Variants in FRYL observed in about 807,000 individuals in gnomAD.
FRYL encodes the protein protein furry homolog-like.
A neutral mutation model predicts 351.2 loss-of-function variants in FRYL; 150 were observed. That is an observed-to-expected ratio of 0.43 (90% CI 0.37 to 0.49). The LOEUF (loss-of-function observed/expected upper bound fraction) is 0.49, where lower values mean the gene tolerates loss of function less well. Among genes scored for constraint, FRYL ranks in the 20% least tolerant of loss-of-function variants. The pLI is 0.00. For synonymous variants in FRYL, 1,153 were observed against 1,257.1 expected (o/e 0.92, Z 1.75); for missense variants, 3,036 against 3,619.3 (o/e 0.84, Z 4.13).
chr4:48,543,609 A>G (rs1477184209), intron 44 of FRYL, among the ~76,000 whole-genome samples, 198 bp downstream of exon 44: 1 of 152,220 alleles, frequency 6.6e-6, no homozygotes, highest in Non-Finnish European at 1.5e-5. Flanking sequence ...GATAGGCACT[A>G]GAATAGTTGA....
chr4:48,597,360 T>C (rs1271631670), intron 13 of FRYL, among the ~76,000 whole-genome samples: 2 of 152,146 alleles, frequency 1.3e-5, no homozygotes, highest in Non-Finnish European at 1.5e-5. Flanking sequence ...TCCAAACCCA[T>C]AGAATGTACA....
intron 1 of FRYL, among the ~76,000 whole-genome samples, chr4:48,769,812 A>T (rs1461456945): frequency 6.6e-6 from 1 of 152,228 alleles, no homozygotes; most frequent in Non-Finnish European, 1.5e-5. Flanking sequence ...CTAAGTGAAA[A>T]AGTCAATCGC....
chr4:48,544,909 A>G lies in FRYL; in HGVS notation c.5280-5T>C. ...TTCCAAAGGGGCCCTCTTTTTCTGA[A>G]AACAGAGAACAGATGTAATTTCCTT... On this transcript the variant is annotated splice_region_variant and splice_polypyrimidine_tract_variant and intron_variant, in intron 42 of 63. Coordinates refer to ENST00000358350, the MANE Select transcript of FRYL (RefSeq NM_015030.2). 1.3e-6 allele frequency: 2 copies of G among 1,595,222 alleles called. No individual in the cohort carries two copies. The highest frequency in any genetic ancestry group is 1.7e-6 in the Non-Finnish European group (2 of 1,174,606).
At chr4:48,698,540 T>C (rs1202898919) in intron 2 of FRYL, among the ~76,000 whole-genome samples, 1 of 152,204 alleles carries the variant, frequency 6.6e-6, no homozygotes, top group Admixed American at 6.6e-5. Flanking sequence ...AAGAAAATAC[T>C]GTGCTGGGTG....
chr4:48,634,230 T>A, intron 4 of FRYL, 61 bp downstream of exon 4: 1 of 1,193,722 alleles, frequency 8.4e-7, no homozygotes, highest in Non-Finnish European at 1.2e-6. Flanking sequence ...AAAATCTGCA[T>A]TATAGTGGTT....
chr4:48,769,820 C>T (rs972269968), intron 1 of FRYL, among the ~76,000 whole-genome samples: 20 of 152,222 alleles, frequency 1.3e-4, no homozygotes, highest in Admixed American at 2.6e-4. Flanking sequence ...AAAAGTCAAT[C>T]GCAAAAGGTT....
chr4:48,592,082 T>TATATATATATATATA lies in FRYL; in HGVS notation c.1336-1253_1336-1252insTATATATATATATAT, dbSNP rs888017807. On this transcript the variant is annotated intron_variant, in intron 16 of 63. Transcript: ENST00000358350. ...GGAATACGGGAAGAAAATAAAGCTC[T>TATATATATATATATA]TATATATATATATATATATATATAT... Among the ~76,000 whole-genome samples, 214 of 116,166 alleles carry TATATATATATATATA rather than the reference T, an allele frequency of 1.8e-3. 6 individuals are homozygous for TATATATATATATATA. The highest frequency in any genetic ancestry group is 7.5e-3 in the African/African-American group (167 of 22,212). The allele number at this position is 116,166 out of a possible 152,430, so 76.2% of individuals were successfully genotyped here.
chr4:48,502,805 A>G lies in FRYL; in HGVS notation c.8481+23T>C, dbSNP rs1205239846. On this transcript the variant is annotated intron_variant, in intron 61 of 63. Transcript: ENST00000358350. ...TTTGTCTGGCAAGGGTGAGTAGTCT[A>G]TAAATCAAGACAGGTCACTTACTGC... 3.7e-6 allele frequency: 6 copies of G among 1,600,060 alleles called. No individual in the cohort carries two copies. The East Asian group carries it at 6.7e-5, about 18-fold the overall frequency.
At chr4:48,681,883 C>T (rs1764662686) in intron 3 of FRYL, among the ~76,000 whole-genome samples, 1 of 152,124 alleles carries the variant, frequency 6.6e-6, no homozygotes, top group South Asian at 2.1e-4. Flanking sequence ...GAGCACCCTA[C>T]AAAATATTTG....
In FRYL at chr4:48,553,389, A is replaced by C. The variant is rs774492440; in HGVS notation, c.4267-6T>G. 9 of 1,597,016 alleles carry C rather than the reference A, an allele frequency of 5.6e-6. No individual in the cohort carries two copies. Among genetic ancestry groups the C allele is most frequent in the Non-Finnish European group, 6.8e-6 (8 of 1,172,354 alleles). ...TATACAATGACCTTCTTCACCTGTC[A>C]CAAAAGAAATCGTTCAGAAAAGAAA... On this transcript the variant is annotated splice_polypyrimidine_tract_variant and splice_region_variant and intron_variant, in intron 35 of 63. Transcript: ENST00000358350.
intron 7 of FRYL, among the ~76,000 whole-genome samples, chr4:48,617,186 T>C (rs1749658072): frequency 6.6e-6 from 1 of 152,048 alleles, no homozygotes; most frequent in African/African-American, 2.4e-5. Flanking sequence ...GAAAGGATAC[T>C]ATAGGTTGGA....
At chr4:48,665,741 TTAA>T (rs1208655766) in intron 3 of FRYL, among the ~76,000 whole-genome samples, 4 of 152,178 alleles carry the variant, frequency 2.6e-5, no homozygotes, top group African/African-American at 4.8e-5. Context: ...GTAGGTACTA[TTAA>T]TAATGATGCC....
At chr4:48,715,515 C>T (rs1384296503) in intron 1 of FRYL, among the ~76,000 whole-genome samples, 3 of 151,390 alleles carry the variant, frequency 2.0e-5, no homozygotes, top group Non-Finnish European at 3.0e-5. Context: ...AGTGAACTCC[C>T]ATTCACAATT....
intron 1 of FRYL, among the ~76,000 whole-genome samples, chr4:48,715,256 T>A (rs1160474245): frequency 3.3e-5 from 5 of 151,662 alleles, no homozygotes; most frequent in Middle Eastern, 6.8e-3. Flanking sequence ...CAACATAGTG[T>A]TGGAAGTTCT....
intron 43 of FRYL, among the ~76,000 whole-genome samples, chr4:48,544,431 A>G (rs17656040): frequency 0.41 from 62,599 of 152,072 alleles, 14,169 homozygotes; most frequent in Admixed American, 0.56. Flanking sequence ...TATGATTTTC[A>G]GAATGTGTTG....
intron 19 of FRYL, 83 bp downstream of exon 19, chr4:48,586,538 G>A (rs563206197): frequency 1.2e-6 from 1 of 864,202 alleles, no homozygotes; most frequent in Admixed American, 1.9e-5. Flanking sequence ...CGCCTTTTTA[G>A]TGATAACAGT....
At chr4:48,653,813 CAGCAGCAGCAGCAGCAGCAGA>C in intron 3 of FRYL, 1 of 325,396 alleles carries the variant, frequency 3.1e-6, no homozygotes, top group Non-Finnish European at 4.0e-6. Context: ...GCAAAAGCAG[CAGCAGCAGCAGCAGCAGCAGA>C]AGCAGAAGCA....
intron 59 of FRYL, among the ~76,000 whole-genome samples, chr4:48,509,659 T>C (rs578107408): frequency 6.6e-6 from 1 of 152,354 alleles, no homozygotes; most frequent in South Asian, 2.1e-4. Flanking sequence ...ATTCACTACA[T>C]GCTTTTTTCT....
At position 48,780,162 on chromosome 4, in the gene FRYL, A is replaced by G. The variant is rs549092266; in HGVS notation, c.-468T>C. On this transcript the variant is annotated 5_prime_UTR_variant, in exon 1 of 64. Transcript: ENST00000358350. ...GGCCCCTGGCTCCGTTCTCTTGACA[A>G]TGGCGCGTCCCCTTTAAGGAATAAT... 5.1e-4 allele frequency: 78 copies of G among 154,122 alleles called. No homozygotes were observed. Among genetic ancestry groups the G allele is most frequent in the African/African-American group, 1.8e-3 (74 of 41,534 alleles). The allele number at this position is 154,122 out of a possible 1,614,324, so 9.5% of individuals were successfully genotyped here. A position where few individuals can be genotyped will look rare whatever the true frequency, so the allele number is the denominator to read the frequency against.
Sources: allele counts gnomAD v4.1 joint callset (sites outside exome capture counted in the v4.1 genomes callset), GRCh38; gene constraint gnomAD v4.1.1; transcripts MANE v1.5; gene names NCBI Gene and HGNC (gene_info 2026-07-23, HGNC 2026-07-21).